BICC1: variants seen among roughly 807,000 people sequenced by gnomAD.
BICC1 encodes protein bicaudal C homolog 1.
Under a neutral mutation model 111.0 loss-of-function variants are expected in BICC1, and 43 were observed. That is an observed-to-expected ratio of 0.39 (90% CI 0.30 to 0.50). The LOEUF (loss-of-function observed/expected upper bound fraction) is 0.50. BICC1 is among the 20% of genes least tolerant of loss of function. The pLI is 0.88. For missense variants in BICC1, 1,091 were observed against 1,203.2 expected (o/e 0.91, Z 1.38); for synonymous variants, 467 against 434.4 (o/e 1.07, Z -0.93).
chr10:58,672,046 T>A (rs2132326242), intron 2 of BICC1, among the ~76,000 whole-genome samples: 1 of 152,272 alleles, frequency 6.6e-6, no homozygotes, highest in African/African-American at 2.4e-5. Context: ...TGTCTAAATG[T>A]TGGAATTTTT....
At chr10:58,642,461 C>G (rs1292332764) in intron 2 of BICC1, among the ~76,000 whole-genome samples, 1 of 152,044 alleles carries the variant, frequency 6.6e-6, no homozygotes, top group Non-Finnish European at 1.5e-5. Context: ...GGCATTATTC[C>G]TGGAATGTCA....
intron 3 of BICC1, among the ~76,000 whole-genome samples, chr10:58,732,379 GTATATA>G (rs1163026692): frequency 1.7e-4 from 13 of 75,790 alleles, no homozygotes; most frequent in African/African-American, 6.4e-4. Context: ...GTGTGTGTAT[GTATATA>G]TATATATATA....
chr10:58,513,601 C>A (rs1186256486), intron 1 of BICC1, among the ~76,000 whole-genome samples: 1 of 152,210 alleles, frequency 6.6e-6, no homozygotes, highest in East Asian at 1.9e-4. Flanking sequence ...TTTGTACTGG[C>A]GCGCCCAAGT....
At chr10:58,707,624 G>A (rs1426703379) in intron 3 of BICC1, among the ~76,000 whole-genome samples, 2 of 152,052 alleles carry the variant, frequency 1.3e-5, no homozygotes, top group African/African-American at 2.4e-5. Flanking sequence ...CCGCCTCCCG[G>A]GTTCAAGCGA....
intron 17 of BICC1, among the ~76,000 whole-genome samples, chr10:58,813,305 A>G (rs189427947): frequency 2.0e-4 from 30 of 152,294 alleles, no homozygotes; most frequent in African/African-American, 7.0e-4. Flanking sequence ...TACTCCAGGT[A>G]TGTAATTTGT....
At chr10:58,592,584 G>T (rs976645885) in intron 1 of BICC1, among the ~76,000 whole-genome samples, 1 of 151,750 alleles carries the variant, frequency 6.6e-6, no homozygotes, top group African/African-American at 2.4e-5. Flanking sequence ...GGTTGGTGGC[G>T]GGTGCCTGTA....
intron 1 of BICC1, among the ~76,000 whole-genome samples, chr10:58,605,668 A>G (rs1245940847): frequency 6.6e-6 from 1 of 152,230 alleles, no homozygotes; most frequent in Non-Finnish European, 1.5e-5. Flanking sequence ...AATACCTGAT[A>G]CAATGTAAAT....
At chr10:58,813,788 AC>A in intron 17 of BICC1, 41 bp from the exon 18 acceptor site, 1 of 1,597,888 alleles carries the variant, frequency 6.3e-7, no homozygotes, top group Non-Finnish European at 8.5e-7. Context: ...TGAAAAACCC[AC>A]CTGATTAAAT....
intron 1 of BICC1, among the ~76,000 whole-genome samples, chr10:58,606,752 T>A (rs1215742136): frequency 1.3e-5 from 2 of 152,164 alleles, no homozygotes; most frequent in Non-Finnish European, 2.9e-5. Context: ...GCTTTGAGTA[T>A]TTTTTCTTTC....
intron 1 of BICC1, among the ~76,000 whole-genome samples, chr10:58,580,455 AT>A (rs1313415158): frequency 6.6e-6 from 1 of 152,184 alleles, no homozygotes; most frequent in East Asian, 1.9e-4. Flanking sequence ...AGCATTTCAG[AT>A]TTCAAATTTT....
chr10:58,753,521 A>G (rs1193947093), intron 3 of BICC1, among the ~76,000 whole-genome samples: 2 of 152,076 alleles, frequency 1.3e-5, no homozygotes, highest in East Asian at 1.9e-4. Context: ...GTTTTTGTAT[A>G]TGATGAGAGG....
At chr10:58,797,156 A>G (rs970431375) in intron 10 of BICC1, among the ~76,000 whole-genome samples, 4 of 152,128 alleles carry the variant, frequency 2.6e-5, no homozygotes, top group African/African-American at 9.7e-5. Flanking sequence ...TCATCTATGG[A>G]TTGCTATTTT....
intron 3 of BICC1, among the ~76,000 whole-genome samples, chr10:58,744,323 C>G (rs1384144065): frequency 1.3e-5 from 2 of 151,984 alleles, no homozygotes; most frequent in African/African-American, 4.8e-5. Flanking sequence ...AAAAAGCTCT[C>G]TCAGTGTTTT....
chr10:58,779,130 G>A (rs1029699608), intron 3 of BICC1, among the ~76,000 whole-genome samples: 5 of 152,110 alleles, frequency 3.3e-5, no homozygotes. Flanking sequence ...GAAGCCAGGG[G>A]GAAACATGTT....
chr10:58,607,083 G>A (rs572600484), intron 1 of BICC1, among the ~76,000 whole-genome samples: 3 of 152,160 alleles, frequency 2.0e-5, no homozygotes, highest in East Asian at 3.9e-4. Context: ...TTGGGAGGCC[G>A]AGGTGGGTGG....
intron 1 of BICC1, among the ~76,000 whole-genome samples, chr10:58,610,602 A>C (rs1181984302): frequency 6.7e-6 from 1 of 148,650 alleles, no homozygotes; most frequent in Non-Finnish European, 1.5e-5. Context: ...GCCATGGATA[A>C]TCTATCTAGC....
intron 1 of BICC1, among the ~76,000 whole-genome samples, chr10:58,580,673 T>G (rs564991811): frequency 3.3e-5 from 5 of 152,338 alleles, no homozygotes; most frequent in Non-Finnish European, 5.9e-5. Flanking sequence ...TCATGCTTGT[T>G]GATTAATAAC....
chr10:58,621,951 G>GAACAGAACAGAAC (rs869082492), intron 2 of BICC1, among the ~76,000 whole-genome samples: 2 of 34,134 alleles, frequency 5.9e-5, no homozygotes, highest in African/African-American at 3.2e-4. Context: ...GAATAGAATA[G>GAACAGAACAGAAC]AATAGAATAG....
intron 4 of BICC1, among the ~76,000 whole-genome samples, chr10:58,785,296 AC>A (rs1467557212): frequency 1.6e-4 from 24 of 152,160 alleles, no homozygotes; most frequent in Admixed American, 9.2e-4. Context: ...ATACACACAC[AC>A]ACACCTATAT....
Sources: allele counts gnomAD v4.1 joint callset (sites outside exome capture counted in the v4.1 genomes callset), GRCh38; gene constraint gnomAD v4.1.1; transcripts MANE v1.5; gene names NCBI Gene and HGNC (gene_info 2026-07-23, HGNC 2026-07-21).